Variants in CFDP1 observed in about 807,000 individuals in gnomAD.
CFDP1 encodes heterochromatin-stabilizing protein CFDP1.
A neutral mutation model predicts 40.1 loss-of-function variants in CFDP1; 31 were observed. The ratio of observed to expected loss-of-function variants is 0.77; its 90% CI spans 0.58 to 1.04. The LOEUF is 1.04. Ranked by LOEUF, CFDP1 falls within the 50% of genes least tolerant of loss-of-function variation. CFDP1 has a pLI of 0.00. For missense variants in CFDP1, 423 were observed against 343.4 expected, an observed-to-expected ratio of 1.23 and a Z score of -1.83; for synonymous variants, 167 against 120.0, an observed-to-expected ratio of 1.39 and a Z score of -2.56.
At position 75,414,709 on chromosome 16, in the gene CFDP1, A is replaced by G. The variant is rs772885567; in HGVS notation, c.65-14T>C. ...TATACTCTCCACCTGAAATCACATA[A>G]CAGGGTGATCAGACAGGAATAAAGG... On this transcript the variant is annotated splice_polypyrimidine_tract_variant and intron_variant, in intron 1 of 6. Transcript: ENST00000283882. 2.0e-6 allele frequency: 3 copies of G among 1,504,278 alleles called. No individual in the cohort carries two copies. The highest frequency in any genetic ancestry group is 2.8e-6 in the Non-Finnish European group (3 of 1,080,924). The allele number at this position is 1,504,278 out of a possible 1,614,324, so 93.2% of individuals were successfully genotyped here.
At chr16:75,335,011 A>G (rs1200918336) in intron 5 of CFDP1, among the ~76,000 whole-genome samples, 1 of 152,142 alleles carries the variant, frequency 6.6e-6, no homozygotes, top group Non-Finnish European at 1.5e-5. Context: ...CAAAACATCT[A>G]TTCAGTAGGT....
chr16:75,430,495 T>A (rs909953849), intron 1 of CFDP1, among the ~76,000 whole-genome samples: 3 of 148,764 alleles, frequency 2.0e-5, no homozygotes, highest in African/African-American at 7.5e-5. Flanking sequence ...AATGGAGTCT[T>A]GCTCTGTTAC....
chr16:75,299,746 C>T (rs1392808946), intron 6 of CFDP1, among the ~76,000 whole-genome samples: 2 of 152,136 alleles, frequency 1.3e-5, no homozygotes, highest in East Asian at 1.9e-4. Context: ...CCCTCAGGGA[C>T]TTACCCTGAG....
chr16:75,423,174 G>A (rs961632861), intron 1 of CFDP1, among the ~76,000 whole-genome samples: 13 of 151,310 alleles, frequency 8.6e-5, no homozygotes, highest in Admixed American at 2.0e-4. Context: ...CCAGCTACTC[G>A]GGAGGCTGAG....
At chr16:75,312,802 T>C (rs1378451017) in intron 5 of CFDP1, among the ~76,000 whole-genome samples, 2 of 152,206 alleles carry the variant, frequency 1.3e-5, no homozygotes, top group Non-Finnish European at 2.9e-5. Context: ...TCTTCCTATA[T>C]AAGACACCAC....
intron 5 of CFDP1, among the ~76,000 whole-genome samples, chr16:75,374,969 A>C (rs2078781031): frequency 2.6e-5 from 4 of 151,938 alleles, no homozygotes; most frequent in Admixed American, 2.6e-4. Context: ...CAAAAACCCC[A>C]CCAAATTATT....
At chr16:75,374,612 T>C (rs905802167) in intron 5 of CFDP1, among the ~76,000 whole-genome samples, 4 of 151,764 alleles carry the variant, frequency 2.6e-5, no homozygotes, top group Admixed American at 2.6e-4. Context: ...ATCCCCGGAG[T>C]TTGAGACCAG....
chr16:75,412,017 T>G (rs1410274661), intron 3 of CFDP1, 65 bp from the exon 4 acceptor site: 1 of 1,492,688 alleles, frequency 6.7e-7, no homozygotes, highest in Non-Finnish European at 8.9e-7. Context: ...ACAGATACTT[T>G]TTATTTTTTT....
chr16:75,399,509 G>A (rs1367036241), intron 4 of CFDP1, among the ~76,000 whole-genome samples: 1 of 152,250 alleles, frequency 6.6e-6, no homozygotes. Flanking sequence ...ATGAGAAGAA[G>A]TATAACAGAA....
intron 3 of CFDP1, 26 bp from the exon 4 acceptor site, chr16:75,411,978 G>A: frequency 6.4e-7 from 1 of 1,573,288 alleles, no homozygotes; most frequent in Non-Finnish European, 8.6e-7. Context: ...GAAATGTAAT[G>A]TTTCACCAAA....
At chr16:75,414,000 G>A (rs2079183851) in intron 2 of CFDP1, among the ~76,000 whole-genome samples, 1 of 151,912 alleles carries the variant, frequency 6.6e-6, no homozygotes, top group South Asian at 2.1e-4. Context: ...TGTATACAAA[G>A]AATATTCACT....
chr16:75,341,830 A>G (rs538583944), intron 5 of CFDP1, among the ~76,000 whole-genome samples: 294 of 152,274 alleles, frequency 1.9e-3, no homozygotes, highest in African/African-American at 6.5e-3. Context: ...GTACTCAAGC[A>G]GCCAGGTAAC....
intron 5 of CFDP1, among the ~76,000 whole-genome samples, chr16:75,358,233 CA>C (rs1034681611): frequency 1.3e-5 from 2 of 152,094 alleles, no homozygotes; most frequent in Non-Finnish European, 2.9e-5. Context: ...GTTAAAATGG[CA>C]CGGGTAGATA....
chr16:75,300,127 T>C (rs975186146), intron 6 of CFDP1, among the ~76,000 whole-genome samples: 1 of 152,064 alleles, frequency 6.6e-6, no homozygotes, highest in African/African-American at 2.4e-5. Flanking sequence ...GATGAAAGGG[T>C]ACAGAGGTAG....
chr16:75,412,451 T>C, intron 3 of CFDP1, 84 bp downstream of exon 3: 6 of 1,007,604 alleles, frequency 6.0e-6, no homozygotes, highest in Non-Finnish European at 6.2e-6. Context: ...TCAAAAGGCA[T>C]CTGGTCGATT....
At chr16:75,385,242 A>G (rs1021880492) in intron 5 of CFDP1, among the ~76,000 whole-genome samples, 3 of 152,102 alleles carry the variant, frequency 2.0e-5, no homozygotes, top group Non-Finnish European at 4.4e-5. Flanking sequence ...TGTGACTAAT[A>G]TTAATATATA....
At chr16:75,387,752 C>T (rs2078911783) in intron 5 of CFDP1, among the ~76,000 whole-genome samples, 2 of 152,206 alleles carry the variant, frequency 1.3e-5, no homozygotes, top group Admixed American at 1.3e-4. Flanking sequence ...TTATTCCCCA[C>T]ATCACATCTT....
intron 5 of CFDP1, among the ~76,000 whole-genome samples, chr16:75,366,251 T>C (rs1473617633): frequency 6.6e-6 from 1 of 151,744 alleles, no homozygotes; most frequent in Admixed American, 6.6e-5. Context: ...ATTTGTTTTC[T>C]GGCAGTTGTC....
chr16:75,386,446 C>T (rs911457033), intron 5 of CFDP1, among the ~76,000 whole-genome samples: 1 of 152,282 alleles, frequency 6.6e-6, no homozygotes, highest in East Asian at 1.9e-4. Flanking sequence ...ACTTTTTGGC[C>T]GGGCACAGTG....
Sources: allele counts gnomAD v4.1 joint callset (sites outside exome capture counted in the v4.1 genomes callset), GRCh38; gene constraint gnomAD v4.1.1; transcripts MANE v1.5; gene names NCBI Gene and HGNC (gene_info 2026-07-23, HGNC 2026-07-21).